Variants in PRCC observed in about 807,000 individuals in gnomAD.
PRCC encodes proline rich mitotic checkpoint control factor.
PRCC carries 10 observed loss-of-function variants against 44.0 expected under a neutral mutation model. That is an observed-to-expected ratio of 0.23 (90% confidence interval 0.14 to 0.39). The LOEUF (loss-of-function observed/expected upper bound fraction) is 0.39, where lower values mean the gene tolerates loss of function less well. PRCC is among the 10% of genes least tolerant of loss of function. PRCC has a pLI of 1.00. For synonymous variants in PRCC, 278 were observed against 259.5 expected, an observed-to-expected ratio of 1.07 and a Z score of -0.69; for missense variants, 573 against 624.7, an observed-to-expected ratio of 0.92 and a Z score of 0.88.
chr1:156,795,275 A>G (rs1433436564), intron 5 of PRCC, among the ~76,000 whole-genome samples: 2 of 40,428 alleles, frequency 4.9e-5, no homozygotes, highest in Non-Finnish European at 9.7e-5. Context: ...AATTGTTTTC[A>G]TTTTCTGGTG....
At position 156,767,840 on chromosome 1, in the gene PRCC, A is replaced by G; in HGVS notation, c.69A>G (p.Glu23=). The change falls in exon 1 of 7, where the codon GAA becomes GAG. Residue 23 remains glutamate, a synonymous_variant. Transcript: ENST00000271526. The part of the protein sequence containing the change: ...EPDEAEPEPE[E]EEAVAPTSGP... ...ATGAGGCTGAGCCCGAGCCGGAGGAAGAGGAGGCGGTGGCTCCTACATCTG... is the reference window on the plus strand; with the variant it reads ...ATGAGGCTGAGCCCGAGCCGGAGGAGGAGGAGGCGGTGGCTCCTACATCTG... 6.2e-7 allele frequency: 1 copy of G among 1,610,536 alleles called. No individual in the cohort carries two copies. Among genetic ancestry groups the G allele is most frequent in the Non-Finnish European group, 8.5e-7 (1 of 1,179,086 alleles).
chr1:156,797,682 TA>T (rs889544819), intron 6 of PRCC, among the ~76,000 whole-genome samples: 4 of 151,348 alleles, frequency 2.6e-5, no homozygotes, highest in African/African-American at 4.9e-5. Flanking sequence ...TTAAAAAACT[TA>T]AAAAAAAAGT....
At chr1:156,770,122 G>A (rs1651575065) in intron 1 of PRCC, among the ~76,000 whole-genome samples, 1 of 152,196 alleles carries the variant, frequency 6.6e-6, no homozygotes, top group African/African-American at 2.4e-5. Flanking sequence ...TAGAAAGTTG[G>A]GAGAGGCCGT....
chr1:156,768,911 C>G (rs1651519937), intron 1 of PRCC, among the ~76,000 whole-genome samples: 1 of 152,186 alleles, frequency 6.6e-6, no homozygotes. Flanking sequence ...GGTTCAGTCT[C>G]TCTGAACCTC....
chr1:156,791,756 A>G lies in PRCC; in HGVS notation c.1143A>G (p.Glu381=), dbSNP rs760057320. Residue 381 remains glutamate, a synonymous_variant, in exon 4 of 7, where the codon GAA becomes GAG. Coordinates refer to ENST00000271526, the MANE Select transcript of PRCC (RefSeq NM_005973.5). The part of the protein sequence containing the change: ...AQDPALVPPQ[E]IAPDASFIDD... ...ACCCGGCCCTGGTCCCCCCCCAGGA[A>G]ATTGCCCCAGATGCCTCCTTCATCG... 7 of 1,613,852 alleles carry G rather than the reference A, an allele frequency of 4.3e-6. No homozygotes were observed. The highest frequency in any genetic ancestry group is 5.1e-6 in the Non-Finnish European group (6 of 1,179,982).
intron 3 of PRCC, among the ~76,000 whole-genome samples, chr1:156,789,940 T>C (rs369954377): frequency 2.2e-4 from 33 of 152,196 alleles, no homozygotes; most frequent in African/African-American, 7.7e-4. Flanking sequence ...AGGTTGTACG[T>C]AGGTTTAAGA....
intron 1 of PRCC, among the ~76,000 whole-genome samples, chr1:156,773,766 A>G (rs1488480267): frequency 2.0e-5 from 3 of 152,222 alleles, no homozygotes; most frequent in Admixed American, 2.0e-4. Context: ...GGTGAAAAGA[A>G]TCAAAAGTGG....
In PRCC at chr1:156,789,260, G is replaced by A. The variant is rs775042804; in HGVS notation, c.1083+2086G>A. Among the ~76,000 whole-genome samples, 3 of 152,164 alleles carry A rather than the reference G, an allele frequency of 2.0e-5. No individual in the cohort carries two copies. In the South Asian group the frequency reaches 6.2e-4, roughly 31 times the overall value. On this transcript the variant is annotated intron_variant, in intron 3 of 6. Transcript: ENST00000271526. ...GATGGGATTACAGGCGTGAGCCACCGTACCCCGCCAACTTTTGGTTTTATT... is the reference window on the plus strand; with the variant it reads ...GATGGGATTACAGGCGTGAGCCACCATACCCCGCCAACTTTTGGTTTTATT...
chr1:156,795,535 C>T (rs1652635099), intron 5 of PRCC, among the ~76,000 whole-genome samples: 1 of 152,130 alleles, frequency 6.6e-6, no homozygotes. Context: ...CTACCCTGGC[C>T]TTGGCCTGCC....
chr1:156,776,763 A>G (rs1339137546), intron 1 of PRCC, among the ~76,000 whole-genome samples: 2 of 152,188 alleles, frequency 1.3e-5, no homozygotes, highest in Middle Eastern at 3.2e-3. Context: ...CTATGATGTC[A>G]AAGTTTAAAC....
chr1:156,794,250 C>T (rs1652586072), intron 4 of PRCC, among the ~76,000 whole-genome samples: 1 of 152,162 alleles, frequency 6.6e-6, no homozygotes, highest in African/African-American at 2.4e-5. Context: ...AGCCACTGTG[C>T]CTGGCCTACT....
intron 1 of PRCC, among the ~76,000 whole-genome samples, chr1:156,780,095 C>T (rs969168194): frequency 7.2e-5 from 11 of 151,986 alleles, no homozygotes; most frequent in Non-Finnish European, 1.5e-4. Flanking sequence ...TTCACTCTGT[C>T]GCCTGTGCTG....
chr1:156,790,842 T>C (rs1371486743), intron 3 of PRCC, among the ~76,000 whole-genome samples: 6 of 152,224 alleles, frequency 3.9e-5, no homozygotes, highest in Admixed American at 2.0e-4. Context: ...ATACTCTAAT[T>C]GCTCTGGATT....
At position 156,800,727 on chromosome 1, in the gene PRCC, G is replaced by A. The variant is rs1652807301; in HGVS notation, c.*267G>A. ...GGGTGGGAGTTTTGCTCTCTGTCAG[G>A]TGTGATAAAATGTTGAACCCTCCCC... On this transcript the variant is annotated 3_prime_UTR_variant, in exon 7 of 7. Coordinates refer to ENST00000271526, the MANE Select transcript of PRCC (RefSeq NM_005973.5). The A allele has an allele frequency of 2.6e-6, 1 of 380,178 alleles. No homozygotes were observed. The highest frequency in any genetic ancestry group is 5.8e-5 in the South Asian group (1 of 17,162). 23.6% of individuals were successfully genotyped at this position (380,178 alleles called of 1,614,324 possible).
In PRCC at chr1:156,767,822, TGAGCCC is replaced by T; in HGVS notation, c.57_62del (p.Pro21_Glu22del). On this transcript the variant is annotated inframe_deletion, in exon 1 of 7. Coordinates refer to ENST00000271526, the MANE Select transcript of PRCC (RefSeq NM_005973.5). ...GCGATGAGAGCGAGCCGGATGAGGC[TGAGCCC>T]GAGCCGGAGGAAGAGGAGGCGGTGG... 2 of 1,610,432 alleles carry T rather than the reference TGAGCCC, an allele frequency of 1.2e-6. No individual in the cohort carries two copies. The highest frequency in any genetic ancestry group is 2.2e-5 in the South Asian group (2 of 90,316).
intron 1 of PRCC, among the ~76,000 whole-genome samples, chr1:156,777,809 T>G (rs1158369963): frequency 6.6e-6 from 1 of 151,832 alleles, no homozygotes; most frequent in Non-Finnish European, 1.5e-5. Context: ...GAATGCAGAT[T>G]GATAACAGAA....
chr1:156,786,154 A>G (rs1652237393), intron 2 of PRCC, among the ~76,000 whole-genome samples: 1 of 152,154 alleles, frequency 6.6e-6, no homozygotes, highest in Admixed American at 6.6e-5. Flanking sequence ...TTTTAGACAG[A>G]ACCTTGTTCT....
intron 1 of PRCC, among the ~76,000 whole-genome samples, chr1:156,779,128 A>ATATT (rs1651947127): frequency 8.4e-5 from 3 of 35,878 alleles, no homozygotes; most frequent in African/African-American, 1.2e-4. Flanking sequence ...ATATATATAT[A>ATATT]TTTTTTTTTT....
At chr1:156,774,169 T>C (rs1239163617) in intron 1 of PRCC, among the ~76,000 whole-genome samples, 13 of 99,740 alleles carry the variant, frequency 1.3e-4, no homozygotes, top group Admixed American at 4.9e-4. Context: ...TTTTTTTTTT[T>C]TTTTTTTTTT....
Sources: allele counts gnomAD v4.1 joint callset (sites outside exome capture counted in the v4.1 genomes callset), GRCh38; gene constraint gnomAD v4.1.1; transcripts MANE v1.5; gene names NCBI Gene and HGNC (gene_info 2026-07-23, HGNC 2026-07-21).